FOXP2: variants seen among roughly 807,000 people sequenced by gnomAD.
The protein encoded by FOXP2 is forkhead box P2.
A neutral mutation model predicts 115.8 loss-of-function variants in FOXP2; 12 were observed. The observed-to-expected ratio is 0.10, with a 90% confidence interval of 0.07 to 0.17. The LOEUF (loss-of-function observed/expected upper bound fraction) is 0.17, where lower values mean the gene tolerates loss of function less well. Among genes scored for constraint, FOXP2 ranks in the 10% least tolerant of loss-of-function variants. The probability of loss-of-function intolerance (pLI) is 1.00; values close to 1 mark genes in which losing one functional copy is unlikely to be tolerated. For synonymous variants in FOXP2, 328 were observed against 297.7 expected (o/e 1.10, Z -1.05); for missense variants, 629 against 843.5 (o/e 0.75, Z 3.15).
Position 114,635,609 on chromosome 7 carries a change from G to A in FOXP2, c.775+3904G>A, listed in dbSNP as rs1025721888. On this transcript the variant is annotated intron_variant, in intron 6 of 16. Transcript: ENST00000350908. ...TATAGAAAAATATTGAGTATGTTGA[G>A]TTAGTTTTTGAAAAAATGTAAAAAG... Among the ~76,000 whole-genome samples the A allele has an allele frequency of 4.6e-5, 7 of 152,142 alleles. No homozygotes were observed. In the East Asian group the frequency reaches 7.7e-4, roughly 17 times the overall value.
rs1309580333 is a variant in FOXP2 at position 114,693,357 on chromosome 7, A to G, written c.*3431A>G. 2.2e-6 allele frequency: 1 copy of G among 453,726 alleles called. No homozygotes were observed. The highest frequency in any genetic ancestry group is 4.4e-6 in the Non-Finnish European group (1 of 226,630). 28.1% of individuals were successfully genotyped at this position (453,726 alleles called of 1,614,324 possible). On this transcript the variant is annotated 3_prime_UTR_variant, in exon 17 of 17. Transcript: ENST00000350908. ...CTACAGAAGTACACTTACATAAACCATCCTGGACTTTAATGTCCCTGGGCA... is the reference window on the plus strand; with the variant it reads ...CTACAGAAGTACACTTACATAAACCGTCCTGGACTTTAATGTCCCTGGGCA...
At chr7:114,215,804 C>A (rs1208187133) in intron 1 of FOXP2, among the ~76,000 whole-genome samples, 1 of 152,052 alleles carries the variant, frequency 6.6e-6, no homozygotes, top group Non-Finnish European at 1.5e-5. Context: ...TTTATCAGAC[C>A]ACTCTGATAA....
intron 1 of FOXP2, among the ~76,000 whole-genome samples, chr7:114,148,496 G>A (rs1430539811): frequency 1.3e-5 from 2 of 152,052 alleles, no homozygotes; most frequent in East Asian, 3.9e-4. Flanking sequence ...CACATATTTA[G>A]ATGCCCAAAT....
intron 6 of FOXP2, among the ~76,000 whole-genome samples, chr7:114,637,506 G>A (rs148015466): frequency 5.3e-4 from 80 of 152,174 alleles, no homozygotes; most frequent in African/African-American, 1.9e-3. Flanking sequence ...GCCAGTACAC[G>A]AGTGTTCTGG....
In FOXP2 at chr7:114,691,115, G is replaced by A; in HGVS notation, c.*1189G>A. 2.2e-6 allele frequency: 1 copy of A among 454,042 alleles called. No individual in the cohort carries two copies. Among genetic ancestry groups the A allele is most frequent in the Non-Finnish European group, 4.4e-6 (1 of 226,760 alleles). 28.1% of individuals were successfully genotyped at this position (454,042 alleles called of 1,614,324 possible). On this transcript the variant is annotated 3_prime_UTR_variant, in exon 17 of 17. Transcript: ENST00000350908. Reference sequence around the variant, plus strand: ...AAACGATTATGTACTTGATGCAAATGCAGATTGCATATTGTTATATATATA... The same window carrying A: ...AAACGATTATGTACTTGATGCAAATACAGATTGCATATTGTTATATATATA...
At chr7:114,330,885 G>A (rs1736823755) in intron 2 of FOXP2, among the ~76,000 whole-genome samples, 1 of 152,074 alleles carries the variant, frequency 6.6e-6, no homozygotes, top group Non-Finnish European at 1.5e-5. Flanking sequence ...AACAACAACT[G>A]GGAATCCCTT....
At chr7:114,426,168 G>C (rs535126302) in intron 1 of FOXP2, among the ~76,000 whole-genome samples, 1 of 151,740 alleles carries the variant, frequency 6.6e-6, no homozygotes, top group South Asian at 2.1e-4. Context: ...ACAGAACAGA[G>C]TGTGCAATCA....
chr7:114,567,378 A>T (rs1348585499), intron 3 of FOXP2, among the ~76,000 whole-genome samples: 1 of 152,084 alleles, frequency 6.6e-6, no homozygotes, highest in South Asian at 2.1e-4. Flanking sequence ...TATTTTGCTC[A>T]AGGTCACACC....
At chr7:114,496,529 G>A (rs918100504) in intron 2 of FOXP2, among the ~76,000 whole-genome samples, 5 of 152,068 alleles carry the variant, frequency 3.3e-5, no homozygotes, top group African/African-American at 1.2e-4. Context: ...TAGCAAAAAG[G>A]CAGAGAGAGC....
At chr7:114,438,134 TA>T (rs1794435007) in intron 2 of FOXP2, among the ~76,000 whole-genome samples, 1 of 152,222 alleles carries the variant, frequency 6.6e-6, no homozygotes, top group African/African-American at 2.4e-5. Flanking sequence ...GATCACATTT[TA>T]TTTCTGCTGG....
At chr7:114,206,758 C>T (rs1437477661) in intron 1 of FOXP2, among the ~76,000 whole-genome samples, 1 of 152,202 alleles carries the variant, frequency 6.6e-6, no homozygotes, top group Non-Finnish European at 1.5e-5. Flanking sequence ...TTTGAGCTAT[C>T]TTACATGACC....
intron 2 of FOXP2, among the ~76,000 whole-genome samples, chr7:114,497,706 T>TAAA (rs1202524054): frequency 1.6e-4 from 21 of 131,840 alleles, no homozygotes; most frequent in Non-Finnish European, 2.9e-4. Context: ...AATAAATAAA[T>TAAA]AAAAGTTGCA....
chr7:114,654,369 A>G (rs1001383678), intron 10 of FOXP2, among the ~76,000 whole-genome samples: 1 of 152,160 alleles, frequency 6.6e-6, no homozygotes, highest in African/African-American at 2.4e-5. Context: ...ACAAATAGAA[A>G]TGTATGTGGT....
chr7:114,688,006 A>G (rs750856336), intron 16 of FOXP2, among the ~76,000 whole-genome samples: 2 of 152,028 alleles, frequency 1.3e-5, no homozygotes, highest in African/African-American at 2.4e-5. Context: ...ATACATATAC[A>G]TAGACCAATA....
intron 2 of FOXP2, among the ~76,000 whole-genome samples, chr7:114,446,053 T>C (rs1794823847): frequency 6.8e-6 from 1 of 146,228 alleles, no homozygotes; most frequent in Admixed American, 7.1e-5. Flanking sequence ...TTTTTTTGCT[T>C]TTTAATATTA....
chr7:114,642,603 T>A lies in FOXP2; in HGVS notation c.969T>A (p.Val323=), dbSNP rs765986934. ...HHSIVNGQSS[V]LSARRDSSSH... is the part of the protein sequence containing the mutation. ...CCATAGTGAATGGACAGTCTTCAGT[T>A]CTAAGTGCAAGACGAGACAGGTAAA... Residue 323 remains valine (V), a synonymous_variant, in exon 7 of 17, where the codon GTT becomes GTA. Coordinates refer to ENST00000350908, the MANE Select transcript of FOXP2 (RefSeq NM_014491.4). 3 of 1,613,666 alleles carry A rather than the reference T, an allele frequency of 1.9e-6. No individual in the cohort carries two copies. In the South Asian group the frequency reaches 3.3e-5, roughly 18 times the overall value.
intron 2 of FOXP2, among the ~76,000 whole-genome samples, chr7:114,466,159 G>C (rs1025129644): frequency 1.3e-5 from 2 of 152,064 alleles, no homozygotes; most frequent in Non-Finnish European, 2.9e-5. Context: ...CCAAACCTCA[G>C]TTCCTCACCT....
intron 2 of FOXP2, among the ~76,000 whole-genome samples, chr7:114,328,470 T>A (rs957694022): frequency 6.6e-6 from 1 of 151,760 alleles, no homozygotes; most frequent in Non-Finnish European, 1.5e-5. Context: ...TCTCCTGACC[T>A]CGTGATCCGC....
chr7:114,578,295 G>A (rs56838183), intron 3 of FOXP2, among the ~76,000 whole-genome samples: 4,327 of 151,846 alleles, frequency 0.028, 200 homozygotes, highest in African/African-American at 0.096. Context: ...GAAGGGTTGC[G>A]CCCTGTTACT....
Sources: gnomAD v4.1 joint callset for allele counts (sites outside exome capture counted in the v4.1 genomes callset) on GRCh38, gnomAD v4.1.1 for gene constraint, MANE v1.5 for transcripts, NCBI Gene and HGNC (gene_info 2026-07-23, HGNC 2026-07-21) for gene names.